TOP6BL: variants seen among roughly 807,000 people sequenced by gnomAD.
TOP6BL encodes the protein TOP6B like initiator of meiotic double strand breaks.
the TOP6BL span, chr11:66,748,272 A>G: frequency 3.3e-6 from 3 of 909,548 alleles, no homozygotes; most frequent in African/African-American, 5.1e-5. Flanking sequence ...CAAGAATACA[A>G]TTTTTGGGGG....
the TOP6BL span, among the ~76,000 whole-genome samples, chr11:66,815,022 G>T: frequency 6.6e-6 from 1 of 152,172 alleles, no homozygotes; most frequent in Non-Finnish European, 1.5e-5. Context: ...TTAGAAGGTA[G>T]TCTGGTCGTC....
the TOP6BL span, among the ~76,000 whole-genome samples, chr11:66,754,663 A>G: frequency 1.3e-5 from 2 of 152,174 alleles, no homozygotes; most frequent in African/African-American, 4.8e-5. Flanking sequence ...GAATGACCAG[A>G]TCTTTCAGTC....
the TOP6BL span, among the ~76,000 whole-genome samples, chr11:66,789,461 A>G: frequency 6.6e-6 from 1 of 152,174 alleles, no homozygotes; most frequent in African/African-American, 2.4e-5. Context: ...GAATAATTAT[A>G]TGCTCATTCT....
the TOP6BL span, among the ~76,000 whole-genome samples, chr11:66,806,007 T>C: frequency 6.6e-6 from 1 of 152,262 alleles, no homozygotes; most frequent in Admixed American, 6.5e-5. Context: ...AGTTTGACAT[T>C]AAACATGTTG....
the TOP6BL span, chr11:66,801,077 T>G: frequency 2.0e-3 from 3,272 of 1,613,958 alleles, 72 homozygotes; most frequent in African/African-American, 0.037. Context: ...AATTGCTCTT[T>G]TGGTCGACTC....
chr11:66,762,254 C>T, the TOP6BL span: 2 of 538,790 alleles, frequency 3.7e-6, no homozygotes, highest in South Asian at 1.9e-5. Flanking sequence ...GCAGAACACG[C>T]GCGCAAACTG....
At chr11:66,821,527 G>A in the TOP6BL span, 5 of 1,159,824 alleles carry the variant, frequency 4.3e-6, no homozygotes, top group Admixed American at 4.6e-5. Flanking sequence ...CGCCCGCCTC[G>A]GCCTCCCAAA....
the TOP6BL span, among the ~76,000 whole-genome samples, chr11:66,761,199 G>A: frequency 3.3e-5 from 5 of 151,762 alleles, no homozygotes. Context: ...GTGAAACCCC[G>A]TCTCTACTAA....
At chr11:66,776,065 CT>C in the TOP6BL span, among the ~76,000 whole-genome samples, 71 of 145,364 alleles carry the variant, frequency 4.9e-4, no homozygotes, top group East Asian at 2.0e-3. Flanking sequence ...TATATGGCTT[CT>C]TTTTTTTTTT....
the TOP6BL span, chr11:66,828,388 T>G: frequency 6.4e-7 from 1 of 1,557,156 alleles, no homozygotes; most frequent in Non-Finnish European, 8.8e-7. Context: ...ATCAGTACTT[T>G]GGTGGGAATC....
At chr11:66,817,000 A>G in the TOP6BL span, among the ~76,000 whole-genome samples, 2 of 152,092 alleles carry the variant, frequency 1.3e-5, no homozygotes, top group African/African-American at 4.8e-5. Flanking sequence ...CTAAAAATAC[A>G]AAAATTAGCT....
At chr11:66,818,288 G>A in the TOP6BL span, among the ~76,000 whole-genome samples, 1 of 152,140 alleles carries the variant, frequency 6.6e-6, no homozygotes, top group African/African-American at 2.4e-5. Flanking sequence ...AGTAAGATAA[G>A]GCAAACTTTT....
chr11:66,836,905 C>G, the TOP6BL span, among the ~76,000 whole-genome samples: 4 of 150,160 alleles, frequency 2.7e-5, no homozygotes, highest in African/African-American at 9.8e-5. Context: ...TTCACCATGT[C>G]GGTCAGGCTG....
At chr11:66,791,556 G>A in the TOP6BL span, among the ~76,000 whole-genome samples, 1 of 151,878 alleles carries the variant, frequency 6.6e-6, no homozygotes, top group Non-Finnish European at 1.5e-5. Flanking sequence ...GTGATATAAG[G>A]GCTCATGACT....
At chr11:66,830,065 C>T in the TOP6BL span, among the ~76,000 whole-genome samples, 5 of 152,156 alleles carry the variant, frequency 3.3e-5, no homozygotes, top group Non-Finnish European at 7.4e-5. Flanking sequence ...ACCTAACTGG[C>T]ATTTATAAAA....
At chr11:66,761,713 G>A in the TOP6BL span, 1 of 801,948 alleles carries the variant, frequency 1.2e-6, no homozygotes, top group South Asian at 1.4e-5. Context: ...CCATTAGGTG[G>A]TCATATAAGG....
chr11:66,797,160 C>T, the TOP6BL span, among the ~76,000 whole-genome samples: 3 of 151,032 alleles, frequency 2.0e-5, no homozygotes, highest in Admixed American at 1.3e-4. Context: ...CCACCATGCC[C>T]GGCTAATTTT....
the TOP6BL span, among the ~76,000 whole-genome samples, chr11:66,752,866 C>T: frequency 1.3e-5 from 2 of 152,246 alleles, no homozygotes; most frequent in East Asian, 1.9e-4. Context: ...CGGTGGCTCA[C>T]GCCTATAATG....
At chr11:66,820,152 A>C in the TOP6BL span, among the ~76,000 whole-genome samples, 1 of 152,180 alleles carries the variant, frequency 6.6e-6, no homozygotes, top group Admixed American at 6.5e-5. Context: ...TTCTATACTG[A>C]AGAAAAGATT....
Sources: gnomAD v4.1 joint callset for allele counts (sites outside exome capture counted in the v4.1 genomes callset) on GRCh38, gnomAD v4.1.1 for gene constraint, MANE v1.5 for transcripts, NCBI Gene and HGNC (gene_info 2026-07-23, HGNC 2026-07-21) for gene names.